The following PODXL2 variants were observed in gnomAD, a reference collection of about 807,000 sequenced individuals.
PODXL2 encodes the protein podocalyxin like 2.
A neutral mutation model predicts 53.4 loss-of-function variants in PODXL2; 17 were observed. The observed-to-expected ratio is 0.32, with a 90% confidence interval of 0.22 to 0.48. The LOEUF is 0.48. Among genes scored for constraint, PODXL2 ranks in the 20% least tolerant of loss-of-function variants. PODXL2 has a pLI of 0.99. For synonymous variants in PODXL2, 311 were observed against 306.7 expected, an observed-to-expected ratio of 1.01 and a Z score of -0.15; for missense variants, 673 against 760.0, an observed-to-expected ratio of 0.89 and a Z score of 1.35.
chr3:127,671,569 C>T lies in PODXL2; in HGVS notation c.1561C>T (p.Leu521Phe). 1 of 1,614,114 alleles carries T rather than the reference C, an allele frequency of 6.2e-7. No homozygotes were observed. The highest frequency in any genetic ancestry group is 8.5e-7 in the Non-Finnish European group (1 of 1,180,026). Residue 521 changes from leucine to phenylalanine, a missense_variant, in exon 7 of 8, where the codon CTC becomes TTC. Physicochemically the swap from Leu to Phe is conservative, Grantham distance 22 (BLOSUM62 0). Coordinates refer to ENST00000342480, the MANE Select transcript of PODXL2 (RefSeq NM_015720.4). ...ICIIIIALGL[L>F]YNCWQRRLPK... ...CATCATCATCATTGCGCTTGGCCTG[C>T]TCTACAACTGCTGGCAGCGCCGGCT... is the stretch of plus-strand genomic sequence containing the variant.
At chr3:127,640,036 C>T (rs968430101) in intron 2 of PODXL2, among the ~76,000 whole-genome samples, 2 of 152,324 alleles carry the variant, frequency 1.3e-5, no homozygotes, top group Middle Eastern at 3.4e-3. Flanking sequence ...GCATTCTAAC[C>T]GCCCTTCCCT....
chr3:127,668,698 T>A, intron 5 of PODXL2, 101 bp downstream of exon 5: 1 of 1,162,708 alleles, frequency 8.6e-7, no homozygotes, highest in Non-Finnish European at 1.2e-6. Flanking sequence ...GCTTTGAAAC[T>A]TGGAACTCCA....
chr3:127,655,804 T>G (rs536418443), intron 2 of PODXL2, among the ~76,000 whole-genome samples: 1 of 152,334 alleles, frequency 6.6e-6, no homozygotes, highest in African/African-American at 2.4e-5. Context: ...GGAGAAGATG[T>G]AAATTTGGGA....
At chr3:127,648,622 CT>C (rs1273421049) in intron 2 of PODXL2, among the ~76,000 whole-genome samples, 252 of 141,668 alleles carry the variant, frequency 1.8e-3, no homozygotes, top group African/African-American at 2.0e-3. Context: ...TCTTTCTGGA[CT>C]TTTTTTTTTT....
intron 2 of PODXL2, among the ~76,000 whole-genome samples, chr3:127,641,172 A>AC (rs1559873497): frequency 6.6e-6 from 1 of 152,110 alleles, no homozygotes; most frequent in African/African-American, 2.4e-5. Context: ...TCGGCCTCCC[A>AC]AAGTGCTGGG....
At chr3:127,640,771 A>G (rs1366898699) in intron 2 of PODXL2, among the ~76,000 whole-genome samples, 2 of 152,202 alleles carry the variant, frequency 1.3e-5, no homozygotes, top group African/African-American at 4.8e-5. Flanking sequence ...AATTACTATT[A>G]GTAGTTTGGG....
intron 1 of PODXL2, 102 bp from the exon 2 acceptor site, chr3:127,639,143 C>G: frequency 8.3e-7 from 1 of 1,210,488 alleles, no homozygotes; most frequent in Non-Finnish European, 1.2e-6. Flanking sequence ...CTGAAGTCCC[C>G]CCTTCCCCAG....
At chr3:127,640,472 G>A (rs1341009422) in intron 2 of PODXL2, among the ~76,000 whole-genome samples, 2 of 152,042 alleles carry the variant, frequency 1.3e-5, no homozygotes, top group East Asian at 3.9e-4. Context: ...AGGCTGAGGC[G>A]GGTGGATCAC....
chr3:127,669,748 G>A (rs532313140), intron 6 of PODXL2, among the ~76,000 whole-genome samples: 36 of 152,302 alleles, frequency 2.4e-4, no homozygotes, highest in African/African-American at 8.2e-4. Context: ...ATCTTAGGAG[G>A]TGCCCCCACC....
intron 1 of PODXL2, among the ~76,000 whole-genome samples, chr3:127,631,890 G>A (rs943813059): frequency 6.6e-6 from 1 of 152,140 alleles, no homozygotes; most frequent in Non-Finnish European, 1.5e-5. Flanking sequence ...ATGAAAAACC[G>A]GGAAAATACC....
At chr3:127,642,701 T>C (rs1045588244) in intron 2 of PODXL2, among the ~76,000 whole-genome samples, 1 of 152,056 alleles carries the variant, frequency 6.6e-6, no homozygotes, top group Non-Finnish European at 1.5e-5. Context: ...ACAAAACATA[T>C]GTGTACGTTC....
chr3:127,650,108 A>T lies in PODXL2; in HGVS notation c.350-10270A>T, dbSNP rs2074679321. Among the ~76,000 whole-genome samples the T allele has an allele frequency of 2.0e-5, 3 of 152,334 alleles. No individual in the cohort carries two copies. The South Asian group carries it at 6.2e-4, about 32-fold the overall frequency. ...TGACTTGACATTAACCTAAAGGGAC[A>T]TTTAAAGTGATCTTTCAAGGGCTCT... is the stretch of plus-strand genomic sequence containing the variant. On this transcript the variant is annotated intron_variant, in intron 2 of 7. Coordinates refer to ENST00000342480, the MANE Select transcript of PODXL2 (RefSeq NM_015720.4).
chr3:127,651,277 A>G (rs530808745), intron 2 of PODXL2, among the ~76,000 whole-genome samples: 12 of 152,328 alleles, frequency 7.9e-5, no homozygotes, highest in African/African-American at 2.2e-4. Context: ...CAAACAAACA[A>G]AAAACACCAG....
Position 127,639,364 on chromosome 3 carries a change from C to G in PODXL2, c.190C>G (p.Pro64Ala). 4 of 1,614,186 alleles carry G rather than the reference C, an allele frequency of 2.5e-6. No individual in the cohort carries two copies. Among genetic ancestry groups the G allele is most frequent in the Non-Finnish European group, 3.4e-6 (4 of 1,180,000 alleles). The change falls in exon 2 of 8, where the codon CCT (proline) becomes GCT (alanine). Residue 64 changes from proline (P) to alanine (A), a missense_variant. Transcript: ENST00000342480. ...CTTGGAGCCACTGGACTCAGAGGAGCCTAGTGAGACCATGGGCCTGGGAGC... is the reference window on the plus strand; with the variant it reads ...CTTGGAGCCACTGGACTCAGAGGAGGCTAGTGAGACCATGGGCCTGGGAGC... ...TGLEPLDSEE[P>A]SETMGLGAGL...
rs1255545085 is a variant in PODXL2 at position 127,639,228 on chromosome 3, C to T, written c.71-17C>T. ...TCTCTAGCCTCCCCTGACTGTCTGGCTTTTATGTCTGCACAGGAGCGTTCC... is the reference window on the plus strand; with the variant it reads ...TCTCTAGCCTCCCCTGACTGTCTGGTTTTTATGTCTGCACAGGAGCGTTCC... On this transcript the variant is annotated splice_polypyrimidine_tract_variant and intron_variant, in intron 1 of 7. Coordinates refer to ENST00000342480, the MANE Select transcript of PODXL2 (RefSeq NM_015720.4). 1 of 1,571,636 alleles carries T rather than the reference C, an allele frequency of 6.4e-7. No homozygotes were observed. The highest frequency in any genetic ancestry group is 1.9e-5 in the Admixed American group (1 of 52,622).
chr3:127,650,783 A>G (rs1249062239), intron 2 of PODXL2, among the ~76,000 whole-genome samples: 5 of 151,960 alleles, frequency 3.3e-5, no homozygotes, highest in Admixed American at 3.3e-4. Context: ...CAGCCTCCTG[A>G]GTAGCTGGGA....
In PODXL2 at chr3:127,672,466, G is replaced by A. The variant is rs1311358700; in HGVS notation, c.1804G>A (p.Asp602Asn). The change falls in exon 8 of 8, where the codon GAC becomes AAC. Residue 602 changes from aspartate to asparagine, a missense_variant. By Grantham distance (23) the Asp-to-Asn change is conservative (BLOSUM62 1). Transcript: ENST00000342480. ...DPEDSDVFEE[D>N]THL The stretch of plus-strand genomic sequence containing the variant: ...CGAGGACTCGGACGTGTTCGAGGAG[G>A]ACACGCACCTGTGAGCGCAGCCGAG... 1.3e-6 allele frequency: 2 copies of A among 1,520,934 alleles called. No individual in the cohort carries two copies. Among genetic ancestry groups the A allele is most frequent in the African/African-American group, 2.8e-5 (2 of 72,010 alleles). The allele number at this position is 1,520,934 out of a possible 1,614,324, so 94.2% of individuals were successfully genotyped here.
In PODXL2 at chr3:127,646,633, G is replaced by A. The variant is rs189333574; in HGVS notation, c.349+7110G>A. ...AAACTCCTGACCTCGTGATCTGCCCGTCTCGGCCGCCCAAAGTGCTGGGAT... is the reference window on the plus strand; with the variant it reads ...AAACTCCTGACCTCGTGATCTGCCCATCTCGGCCGCCCAAAGTGCTGGGAT... On this transcript the variant is annotated intron_variant, in intron 2 of 7. Coordinates refer to ENST00000342480, the MANE Select transcript of PODXL2 (RefSeq NM_015720.4). Among the ~76,000 whole-genome samples, 123 of 152,260 alleles carry A rather than the reference G, an allele frequency of 8.1e-4. 1 individual carries two copies. The East Asian group carries it at 0.011, about 13-fold the overall frequency.
At chr3:127,663,107 C>T (rs1206109622) in intron 4 of PODXL2, among the ~76,000 whole-genome samples, 1 of 152,170 alleles carries the variant, frequency 6.6e-6, no homozygotes, top group African/African-American at 2.4e-5. Flanking sequence ...AATAAACTTC[C>T]AGTCTTCTGC....
Sources: gnomAD v4.1 joint callset for allele counts (sites outside exome capture counted in the v4.1 genomes callset) on GRCh38, gnomAD v4.1.1 for gene constraint, MANE v1.5 for transcripts, NCBI Gene and HGNC (gene_info 2026-07-23, HGNC 2026-07-21) for gene names.